The following TXNDC16 variants were observed in gnomAD, a reference collection of about 807,000 sequenced individuals.
TXNDC16 encodes thioredoxin domain containing 16, also known as thioredoxin domain-containing protein 16.
TXNDC16 carries 74 observed loss-of-function variants against 85.6 expected under a neutral mutation model. That is an observed-to-expected ratio of 0.86 (90% CI 0.72 to 1.05). The LOEUF is 1.05. Among genes scored for constraint, TXNDC16 ranks in the 50% least tolerant of loss-of-function variants. TXNDC16 has a pLI of 0.00. For missense variants in TXNDC16, 959 were observed against 947.0 expected (o/e 1.01, Z -0.17); for synonymous variants, 335 against 326.5 (o/e 1.03, Z -0.28).
intron 9 of TXNDC16, among the ~76,000 whole-genome samples, chr14:52,509,986 A>AT (rs1174613048): frequency 7.1e-6 from 1 of 141,680 alleles, no homozygotes; most frequent in Non-Finnish European, 1.6e-5. Context: ...GTCTCAAGAA[A>AT]TAAAAAAAAA....
chr14:52,445,121 T>C (rs541291930), intron 18 of TXNDC16, among the ~76,000 whole-genome samples: 3 of 152,326 alleles, frequency 2.0e-5, no homozygotes, highest in Admixed American at 6.5e-5. Flanking sequence ...TGGTTGATTA[T>C]AATTTTCTTC....
chr14:52,509,228 T>G (rs917390376), intron 9 of TXNDC16, among the ~76,000 whole-genome samples: 3 of 152,072 alleles, frequency 2.0e-5, no homozygotes, highest in Non-Finnish European at 4.4e-5. Context: ...GCCAGAATGT[T>G]GTAGCAAAGA....
rs192620237 is a variant in TXNDC16, at chr14:52,440,195, G to A, written c.2003+369C>T. ...TCTAGAAAACATACTAGGAAATATT[G>A]CTGATGAATGCACTGAAATCTGTCT... On this transcript the variant is annotated intron_variant, in intron 19 of 20. Coordinates refer to ENST00000281741, the MANE Select transcript of TXNDC16 (RefSeq NM_020784.3). Among the ~76,000 whole-genome samples, 7 of 152,310 alleles carry A rather than the reference G, an allele frequency of 4.6e-5. No homozygotes were observed. In the East Asian group the frequency reaches 1.2e-3, roughly 25 times the overall value.
intron 11 of TXNDC16, among the ~76,000 whole-genome samples, chr14:52,489,065 G>A (rs1015757517): frequency 2.0e-5 from 3 of 152,098 alleles, no homozygotes; most frequent in African/African-American, 7.2e-5. Context: ...AGTCTGTAAA[G>A]CATTTCACAT....
At chr14:52,475,019 G>A (rs758856427) in intron 14 of TXNDC16, among the ~76,000 whole-genome samples, 9 of 152,264 alleles carry the variant, frequency 5.9e-5, no homozygotes, top group East Asian at 5.8e-4. Context: ...AAGGCAGATC[G>A]TCCACCCCTG....
chr14:52,478,080 G>A (rs758192050), intron 14 of TXNDC16, among the ~76,000 whole-genome samples: 97 of 152,120 alleles, frequency 6.4e-4, no homozygotes, highest in Non-Finnish European at 1.1e-3. Context: ...CTGAATGATC[G>A]TTGGGTCAAA....
At chr14:52,453,129 T>G (rs1391370598) in intron 18 of TXNDC16, among the ~76,000 whole-genome samples, 1 of 151,940 alleles carries the variant, frequency 6.6e-6, no homozygotes, top group Non-Finnish European at 1.5e-5. Context: ...AAACTACAAT[T>G]AGGTATTATT....
intron 9 of TXNDC16, among the ~76,000 whole-genome samples, chr14:52,499,774 T>C (rs1473267970): frequency 6.6e-6 from 1 of 152,070 alleles, no homozygotes; most frequent in Admixed American, 6.5e-5. Context: ...CTACACCCCT[T>C]AAATATACCA....
intron 6 of TXNDC16, among the ~76,000 whole-genome samples, chr14:52,527,694 C>T (rs1007055014): frequency 3.9e-5 from 6 of 152,088 alleles, no homozygotes; most frequent in African/African-American, 1.2e-4. Context: ...ATGAGGATAG[C>T]GCTACCGTGC....
At chr14:52,524,508 T>C (rs2140199710) in intron 6 of TXNDC16, among the ~76,000 whole-genome samples, 1 of 152,284 alleles carries the variant, frequency 6.6e-6, no homozygotes, top group Admixed American at 6.5e-5. Context: ...TTTTTATTTT[T>C]ATTTTTTTGA....
intron 14 of TXNDC16, among the ~76,000 whole-genome samples, chr14:52,481,631 C>T (rs2036153586): frequency 6.6e-6 from 1 of 152,142 alleles, no homozygotes; most frequent in Non-Finnish European, 1.5e-5. Flanking sequence ...CCATTATTAC[C>T]TCTCTTACTA....
intron 7 of TXNDC16, 72 bp downstream of exon 7, chr14:52,519,100 C>A: frequency 7.1e-7 from 1 of 1,399,770 alleles, no homozygotes; most frequent in South Asian, 1.5e-5. Context: ...CAAAAAAATA[C>A]ACTATTTTAA....
chr14:52,519,938 T>G (rs1431041897), intron 6 of TXNDC16, among the ~76,000 whole-genome samples: 1 of 152,152 alleles, frequency 6.6e-6, no homozygotes, highest in Admixed American at 6.5e-5. Flanking sequence ...TTATAATTAT[T>G]TATATATTTA....
intron 6 of TXNDC16, among the ~76,000 whole-genome samples, chr14:52,524,278 TA>T (rs1162266354): frequency 6.6e-6 from 1 of 152,212 alleles, no homozygotes; most frequent in Non-Finnish European, 1.5e-5. Context: ...TAGTGGAAAC[TA>T]TGACAGTTAA....
At chr14:52,514,118 C>T (rs1314872787) in intron 8 of TXNDC16, among the ~76,000 whole-genome samples, 2 of 152,276 alleles carry the variant, frequency 1.3e-5, no homozygotes, top group South Asian at 4.1e-4. Flanking sequence ...TTCTTCTCTG[C>T]CTACTCTCCT....
At chr14:52,466,951 A>C (rs897090209) in intron 16 of TXNDC16, among the ~76,000 whole-genome samples, 4 of 152,052 alleles carry the variant, frequency 2.6e-5, no homozygotes, top group African/African-American at 9.7e-5. Context: ...TAAGAGAATA[A>C]GTATAAATTA....
chr14:52,503,323 C>A (rs1425270937), intron 9 of TXNDC16, among the ~76,000 whole-genome samples: 5 of 152,210 alleles, frequency 3.3e-5, no homozygotes, highest in Admixed American at 6.5e-5. Context: ...AGGTACCCCC[C>A]AGTAGGGGCA....
intron 12 of TXNDC16, among the ~76,000 whole-genome samples, chr14:52,486,829 T>C (rs1219462575): frequency 1.3e-5 from 2 of 152,124 alleles, no homozygotes; most frequent in African/African-American, 4.8e-5. Context: ...ATTGAATGTT[T>C]CCAACACAAA....
At chr14:52,522,222 C>G (rs1466822423) in intron 6 of TXNDC16, among the ~76,000 whole-genome samples, 1 of 152,180 alleles carries the variant, frequency 6.6e-6, no homozygotes, top group East Asian at 1.9e-4. Context: ...AAAATTAAGT[C>G]TGAGTATACA....
Sources: gnomAD v4.1 joint callset for allele counts (sites outside exome capture counted in the v4.1 genomes callset) on GRCh38, gnomAD v4.1.1 for gene constraint, MANE v1.5 for transcripts, NCBI Gene and HGNC (gene_info 2026-07-23, HGNC 2026-07-21) for gene names.